Variants in TMEM114 observed in about 807,000 individuals in gnomAD.
TMEM114 encodes the protein transmembrane protein 114.
In TMEM114, 6 loss-of-function variants were observed where a neutral mutation model predicts 6.2. The observed-to-expected ratio is 0.97, with a 90% CI of 0.53 to 1.91. The LOEUF (loss-of-function observed/expected upper bound fraction) is 1.91. TMEM114 is among the 40% of genes most tolerant of loss of function. TMEM114 has a pLI of 0.01. For synonymous variants in TMEM114, 104 were observed against 73.0 expected, an observed-to-expected ratio of 1.42 and a Z score of -2.16; for missense variants, 218 against 158.3, an observed-to-expected ratio of 1.38 and a Z score of -2.02.
chr16:8,536,241 T>A (rs535919018), downstream of TMEM114, among the ~76,000 whole-genome samples: 20 of 143,578 alleles, frequency 1.4e-4, no homozygotes, highest in East Asian at 2.8e-3. Flanking sequence ...AAAAAAAAAA[T>A]GTAGGGGTTG....
intron 2 of TMEM114, among the ~76,000 whole-genome samples, chr16:8,579,702 T>C (rs138297277): frequency 6.6e-6 from 1 of 152,326 alleles, no homozygotes; most frequent in East Asian, 1.9e-4. Context: ...AATACTTGTC[T>C]CTTTCTCATC....
chr16:8,564,159 G>C (rs1313707930), intron 2 of TMEM114, among the ~76,000 whole-genome samples: 1 of 151,354 alleles, frequency 6.6e-6, no homozygotes, highest in Non-Finnish European at 1.5e-5. Context: ...ATGAGTTAGT[G>C]AATGAGTGAG....
chr16:8,564,875 G>C (rs569988087), downstream of TMEM114, among the ~76,000 whole-genome samples: 19 of 36,820 alleles, frequency 5.2e-4, no homozygotes, highest in African/African-American at 2.2e-3. Flanking sequence ...ATGAGGGAGG[G>C]AGGGAGTGAA....
rs560554702 is a variant in TMEM114 at position 8,580,847 on chromosome 16, C to T, written c.301+8366G>A. ...CTGGGACCACAGGCGCATGCCACCA[C>T]GTCCGGCTAATTTTTTGTATTCTTG... On this transcript the variant is annotated intron_variant, in intron 2 of 3. Transcript: ENST00000620492. Among the ~76,000 whole-genome samples, 9 of 152,200 alleles carry T rather than the reference C, an allele frequency of 5.9e-5. 1 individual carries two copies. Among genetic ancestry groups the T allele is most frequent in the East Asian group, 1.9e-4 (1 of 5,152 alleles).
the TMEM114 span, chr16:8,531,989 G>C: frequency 6.6e-6 from 1 of 152,170 alleles, no homozygotes; most frequent in Non-Finnish European, 1.5e-5. Context: ...TTGTTTCCTA[G>C]TATAAGTGAG....
intron 2 of TMEM114, among the ~76,000 whole-genome samples, chr16:8,585,728 G>A (rs1902296234): frequency 6.6e-6 from 1 of 152,126 alleles, no homozygotes; most frequent in Non-Finnish European, 1.5e-5. Flanking sequence ...GGGAATAATA[G>A]CAGCTACCAC....
At chr16:8,552,007 T>C (rs1405257156) in intron 2 of TMEM114, among the ~76,000 whole-genome samples, 3 of 152,254 alleles carry the variant, frequency 2.0e-5, no homozygotes, top group East Asian at 3.9e-4. Flanking sequence ...TATGGTTCCA[T>C]TTATATAACA....
chr16:8,540,339 T>A (rs893739301), intron 2 of TMEM114, among the ~76,000 whole-genome samples: 10 of 152,152 alleles, frequency 6.6e-5, no homozygotes, highest in Admixed American at 2.0e-4. Context: ...TGAGCAGGAA[T>A]CCCAGCTGAT....
At chr16:8,588,824 C>T (rs1902395081) in intron 2 of TMEM114, among the ~76,000 whole-genome samples, 1 of 152,224 alleles carries the variant, frequency 6.6e-6, no homozygotes, top group African/African-American at 2.4e-5. Context: ...CACCATTCAC[C>T]TCCCGAGGCT....
chr16:8,545,486 A>C (rs1900638158), intron 2 of TMEM114, among the ~76,000 whole-genome samples: 1 of 151,960 alleles, frequency 6.6e-6, no homozygotes, highest in African/African-American at 2.4e-5. Context: ...CATCATCATC[A>C]CCTATTGCTA....
chr16:8,568,268 G>T (rs1471866183), downstream of TMEM114, among the ~76,000 whole-genome samples: 2 of 152,160 alleles, frequency 1.3e-5, no homozygotes, highest in Non-Finnish European at 2.9e-5. Flanking sequence ...GGGTCTGGAG[G>T]AGTCATTGCC....
At chr16:8,584,922 C>CAAAA (rs905674847) in intron 2 of TMEM114, among the ~76,000 whole-genome samples, 6 of 48,928 alleles carry the variant, frequency 1.2e-4, no homozygotes, top group African/African-American at 2.1e-4. Flanking sequence ...AACGCCGTCT[C>CAAAA]AAAAAAAAAA....
At chr16:8,563,063 A>AAGGGAATG (rs1901334440) in intron 2 of TMEM114, among the ~76,000 whole-genome samples, 2 of 102,176 alleles carry the variant, frequency 2.0e-5, no homozygotes, top group East Asian at 2.6e-4. Flanking sequence ...GTGAATGAGT[A>AAGGGAATG]AGTGAATGAG....
At chr16:8,576,702 A>C (rs1901940233) in intron 2 of TMEM114, among the ~76,000 whole-genome samples, 1 of 125,556 alleles carries the variant, frequency 8.0e-6, no homozygotes, top group Admixed American at 8.7e-5. Flanking sequence ...AATGAATGAG[A>C]GCAGGAAGGA....
intron 2 of TMEM114, among the ~76,000 whole-genome samples, chr16:8,551,875 A>G (rs987748008): frequency 5.9e-5 from 9 of 152,228 alleles, no homozygotes; most frequent in African/African-American, 2.2e-4. Context: ...TACACAAACT[A>G]TACTACATCA....
At chr16:8,586,175 G>C (rs1366280549) in intron 2 of TMEM114, among the ~76,000 whole-genome samples, 2 of 152,246 alleles carry the variant, frequency 1.3e-5, no homozygotes, top group African/African-American at 4.8e-5. Context: ...AAGGAGGCTG[G>C]AAGGAGGGGC....
At chr16:8,571,323 G>C (rs945647400) in intron 3 of TMEM114, among the ~76,000 whole-genome samples, 2 of 152,066 alleles carry the variant, frequency 1.3e-5, no homozygotes, top group African/African-American at 2.4e-5. Flanking sequence ...AGTAAAAATT[G>C]TATGTATTTA....
chr16:8,585,992 G>T (rs12709236), intron 2 of TMEM114, among the ~76,000 whole-genome samples: 54,161 of 152,068 alleles, frequency 0.36, 10,335 homozygotes, highest in Middle Eastern at 0.48. Context: ...GTTCTGCTCT[G>T]TCTCAAAATC....
At chr16:8,559,229 G>A (rs986636728) in intron 2 of TMEM114, among the ~76,000 whole-genome samples, 1 of 152,044 alleles carries the variant, frequency 6.6e-6, no homozygotes, top group Admixed American at 6.6e-5. Flanking sequence ...TTTTAGCAGA[G>A]ACGGGGTTTC....
Sources: gnomAD v4.1 joint callset for allele counts (sites outside exome capture counted in the v4.1 genomes callset) on GRCh38, gnomAD v4.1.1 for gene constraint, MANE v1.5 for transcripts, NCBI Gene and HGNC (gene_info 2026-07-23, HGNC 2026-07-21) for gene names.